RGSL1: variants seen among roughly 807,000 people sequenced by gnomAD.
RGSL1 encodes regulator of G protein signaling like 1.
RGSL1 carries 97 observed loss-of-function variants against 124.7 expected under a neutral mutation model. The ratio of observed to expected loss-of-function variants is 0.78; its 90% CI spans 0.66 to 0.92. The LOEUF is 0.92. Among genes scored for constraint, RGSL1 ranks in the 40% least tolerant of loss-of-function variants. RGSL1 has a pLI of 0.00. For missense variants in RGSL1, 1,233 were observed against 1,288.4 expected (o/e 0.96, Z 0.66); for synonymous variants, 424 against 438.1 (o/e 0.97, Z 0.40).
chr1:182,488,953 C>A, intron 7 of RGSL1, 27 bp from the exon 8 acceptor site: 2 of 1,529,558 alleles, frequency 1.3e-6, no homozygotes, highest in Non-Finnish European at 1.8e-6. Context: ...TAACAAATGC[C>A]ATCTTCCCCT....
At chr1:182,497,792 G>T (rs1438792563) in intron 9 of RGSL1, among the ~76,000 whole-genome samples, 1 of 152,174 alleles carries the variant, frequency 6.6e-6, no homozygotes, top group African/African-American at 2.4e-5. Context: ...TCATGATTAG[G>T]TTCAGGTTAT....
chr1:182,449,561 G>A (rs974821993), upstream of RGSL1, among the ~76,000 whole-genome samples: 4 of 152,186 alleles, frequency 2.6e-5, no homozygotes, highest in African/African-American at 9.7e-5. Flanking sequence ...ATGAAGAGTT[G>A]TTTAATGAGA....
intron 4 of RGSL1, among the ~76,000 whole-genome samples, chr1:182,462,744 T>C (rs983146871): frequency 6.6e-6 from 1 of 152,250 alleles, no homozygotes; most frequent in Admixed American, 6.5e-5. Context: ...AGCAAAGTTT[T>C]TGTCTGTGAC....
chr1:182,500,068 A>G (rs1028032828), intron 9 of RGSL1, among the ~76,000 whole-genome samples: 42 of 152,300 alleles, frequency 2.8e-4, no homozygotes, highest in African/African-American at 9.6e-4. Context: ...TTTTAGTGTC[A>G]TATTTAAAAA....
intron 1 of RGSL1, among the ~76,000 whole-genome samples, chr1:182,452,652 C>T (rs936248712): frequency 6.6e-6 from 1 of 152,012 alleles, no homozygotes; most frequent in East Asian, 1.9e-4. Flanking sequence ...AGGGTTTCAT[C>T]ATGTTGGTCA....
chr1:182,535,763 G>A (rs541078399), intron 14 of RGSL1, among the ~76,000 whole-genome samples: 57 of 151,912 alleles, frequency 3.8e-4, no homozygotes, highest in Non-Finnish European at 5.6e-4. Flanking sequence ...TTTTCTTCCC[G>A]TTTATTTTTA....
chr1:182,454,466 C>T (rs1652120096), intron 2 of RGSL1, among the ~76,000 whole-genome samples: 1 of 152,154 alleles, frequency 6.6e-6, no homozygotes, highest in African/African-American at 2.4e-5. Flanking sequence ...AAATACTCTT[C>T]AAATCTCTGC....
intron 17 of RGSL1, 40 bp from the exon 18 acceptor site, chr1:182,551,060 G>T: frequency 7.1e-7 from 1 of 1,416,478 alleles, no homozygotes; most frequent in Admixed American, 2.0e-5. Flanking sequence ...CCCCTCCACT[G>T]GGGGTTCCCT....
rs140832439 is a variant in RGSL1, at chr1:182,535,172, G to A, written c.2494+2381G>A. Among the ~76,000 whole-genome samples, 41 of 152,238 alleles carry A rather than the reference G, an allele frequency of 2.7e-4. No individual in the cohort carries two copies. The East Asian group carries it at 7.7e-3, about 29-fold the overall frequency. ...TGGCATAACTCAGATGACACCTGGTGCCCCTCTTCAATAGAACTCCCCCTT... is the reference window on the plus strand; with the variant it reads ...TGGCATAACTCAGATGACACCTGGTACCCCTCTTCAATAGAACTCCCCCTT... On this transcript the variant is annotated intron_variant, in intron 14 of 21. Transcript: ENST00000294854.
chr1:182,493,508 G>C (rs1375860823), intron 9 of RGSL1, among the ~76,000 whole-genome samples: 1 of 152,190 alleles, frequency 6.6e-6, no homozygotes, highest in Non-Finnish European at 1.5e-5. Context: ...CTAAGAGAGT[G>C]AGGAAGGCAG....
chr1:182,477,197 A>G (rs1331466561), intron 6 of RGSL1, among the ~76,000 whole-genome samples: 2 of 152,166 alleles, frequency 1.3e-5, no homozygotes, highest in Non-Finnish European at 2.9e-5. Flanking sequence ...AAGCAGTCTC[A>G]TGCTTCTAGT....
chr1:182,538,791 C>T (rs1334009018), intron 14 of RGSL1, among the ~76,000 whole-genome samples: 1 of 152,160 alleles, frequency 6.6e-6, no homozygotes, highest in Non-Finnish European at 1.5e-5. Context: ...GCACCTCCCT[C>T]ACCTTAGCAG....
Position 182,527,789 on chromosome 1 carries a change from GA to G in RGSL1, c.2125+18del. 1 of 1,535,610 alleles carries G rather than the reference GA, an allele frequency of 6.5e-7. No individual in the cohort carries two copies. The highest frequency in any genetic ancestry group is 8.8e-7 in the Non-Finnish European group (1 of 1,137,388). On this transcript the variant is annotated intron_variant, in intron 11 of 21. Transcript: ENST00000294854. The stretch of plus-strand genomic sequence containing the variant: ...TCTCTCCTGGTATGCATCCTCTTCT[GA>G]TCCTGTTTTCTCTCTCTCTTTAGTG...
At chr1:182,493,218 T>C (rs1428803702) in intron 9 of RGSL1, 89 bp downstream of exon 9, 1 of 917,510 alleles carries the variant, frequency 1.1e-6, no homozygotes, top group Non-Finnish European at 1.7e-6. Context: ...TTAAGGAACA[T>C]AAGCCAAAAG....
intron 6 of RGSL1, among the ~76,000 whole-genome samples, chr1:182,478,353 T>TA (rs1389366534): frequency 1.3e-5 from 2 of 151,834 alleles, no homozygotes; most frequent in Non-Finnish European, 2.9e-5. Flanking sequence ...TAATAAAAAA[T>TA]AAAAAACAAT....
chr1:182,497,327 T>A (rs1210522882), intron 9 of RGSL1, among the ~76,000 whole-genome samples: 1 of 141,898 alleles, frequency 7.0e-6, no homozygotes, highest in Non-Finnish European at 1.5e-5. Context: ...ATATATATAT[T>A]ATATATATAT....
In RGSL1 at chr1:182,513,421, C is replaced by A. The variant is rs114391749; in HGVS notation, c.1826-8583C>A. 5.1e-3 allele frequency among the ~76,000 whole-genome samples: 784 copies of A among 152,270 alleles called. 8 individuals are homozygous for A. The highest frequency in any genetic ancestry group is 0.018 in the African/African-American group (761 of 41,544). ...GCATGGGTTAAACATGTGTATTATACAAGGAAAGAATCGAGTGCCAAAGAT... is the reference window on the plus strand; with the variant it reads ...GCATGGGTTAAACATGTGTATTATAAAAGGAAAGAATCGAGTGCCAAAGAT... On this transcript the variant is annotated intron_variant, in intron 9 of 21. Transcript: ENST00000294854.
At chr1:182,522,599 G>A (rs1214517176) in intron 10 of RGSL1, among the ~76,000 whole-genome samples, 1 of 152,096 alleles carries the variant, frequency 6.6e-6, no homozygotes, top group Non-Finnish European at 1.5e-5. Flanking sequence ...CCACAACTAG[G>A]CAAATACTCT....
At chr1:182,517,267 C>T (rs1402204341) in intron 9 of RGSL1, among the ~76,000 whole-genome samples, 2 of 135,282 alleles carry the variant, frequency 1.5e-5, no homozygotes, top group African/African-American at 5.6e-5. Flanking sequence ...TGCTATTAGC[C>T]TCTTTTCTAT....
Sources: gnomAD v4.1 joint callset for allele counts (sites outside exome capture counted in the v4.1 genomes callset) on GRCh38, gnomAD v4.1.1 for gene constraint, MANE v1.5 for transcripts, NCBI Gene and HGNC (gene_info 2026-07-23, HGNC 2026-07-21) for gene names.